Variants in ZSWIM5 observed in about 807,000 individuals in gnomAD.
ZSWIM5 encodes the protein zinc finger SWIM-type containing 5, also known as zinc finger SWIM domain-containing protein 5.
ZSWIM5 carries 55 observed loss-of-function variants against 119.6 expected under a neutral mutation model. That is an observed-to-expected ratio of 0.46 (90% confidence interval 0.37 to 0.58). The LOEUF (loss-of-function observed/expected upper bound fraction) is 0.58. Among genes scored for constraint, ZSWIM5 ranks in the 20% least tolerant of loss-of-function variants. ZSWIM5 has a pLI of 0.00. For synonymous variants in ZSWIM5, 537 were observed against 606.9 expected (o/e 0.88, Z 1.69); for missense variants, 1,193 against 1,512.8 (o/e 0.79, Z 3.51).
At chr1:45,183,521 AAG>A (rs1355678600) in intron 1 of ZSWIM5, among the ~76,000 whole-genome samples, 1 of 152,334 alleles carries the variant, frequency 6.6e-6, no homozygotes, top group Middle Eastern at 3.4e-3. Context: ...TAAAGAAAAA[AAG>A]AGAGAAGAAT....
At chr1:45,112,437 G>T (rs553944011) in intron 1 of ZSWIM5, among the ~76,000 whole-genome samples, 1 of 152,286 alleles carries the variant, frequency 6.6e-6, no homozygotes, top group East Asian at 1.9e-4. Context: ...ATTGTAGTGA[G>T]AAATCAATGA....
At chr1:45,092,958 A>G (rs1645377323) in intron 1 of ZSWIM5, among the ~76,000 whole-genome samples, 2 of 152,256 alleles carry the variant, frequency 1.3e-5, no homozygotes, top group East Asian at 1.9e-4. Flanking sequence ...CTATCTATCT[A>G]TCTATCATCT....
chr1:45,074,772 C>T (rs921978454), intron 2 of ZSWIM5, among the ~76,000 whole-genome samples: 11 of 151,386 alleles, frequency 7.3e-5, no homozygotes, highest in African/African-American at 2.7e-4. Flanking sequence ...GTTTGGTTTG[C>T]TCTTGCTTTT....
Position 45,073,249 on chromosome 1 carries a change from A to ATT in ZSWIM5, c.953-13004_953-13003dup, listed in dbSNP as rs58448888. On this transcript the variant is annotated intron_variant, in intron 2 of 13. Transcript: ENST00000359600. ...TGTTCGCATATACAATTGCTACTGA[A>ATT]TTTTTTTTTTTTTTTTTTTTTTTTT... Among the ~76,000 whole-genome samples the ATT allele has an allele frequency of 5.9e-4, 33 of 56,054 alleles. 1 individual carries two copies. Among genetic ancestry groups the ATT allele is most frequent in the African/African-American group, 2.4e-3 (30 of 12,522 alleles). The allele number at this position is 56,054 out of a possible 152,430, so 36.8% of individuals were successfully genotyped here.
intron 1 of ZSWIM5, among the ~76,000 whole-genome samples, chr1:45,200,572 GA>G (rs996002061): frequency 6.6e-6 from 1 of 151,712 alleles, no homozygotes; most frequent in East Asian, 1.9e-4. Context: ...TGGTGTGCAT[GA>G]AAAAAAACCC....
chr1:45,160,400 T>C (rs1645856029), intron 1 of ZSWIM5, among the ~76,000 whole-genome samples: 1 of 152,190 alleles, frequency 6.6e-6, no homozygotes, highest in Non-Finnish European at 1.5e-5. Context: ...GTTTATTTCT[T>C]CTATCATCAA....
chr1:45,182,911 A>G (rs1158812668), intron 1 of ZSWIM5, among the ~76,000 whole-genome samples: 9 of 151,614 alleles, frequency 5.9e-5, no homozygotes, highest in African/African-American at 2.2e-4. Context: ...ATAGACATCT[A>G]CAGAACTCTC....
intron 2 of ZSWIM5, among the ~76,000 whole-genome samples, chr1:45,078,715 C>A (rs979737076): frequency 3.3e-5 from 5 of 152,228 alleles, no homozygotes; most frequent in Admixed American, 6.5e-5. Context: ...AGGCTCCAAT[C>A]AGCAGGTGGC....
At position 45,206,226 on chromosome 1, in the gene ZSWIM5, C is replaced by A. The variant is rs1204509465; in HGVS notation, c.125G>T (p.Gly42Val). The A allele has an allele frequency of 6.3e-7, 1 of 1,584,732 alleles. No homozygotes were observed. The highest frequency in any genetic ancestry group is 1.1e-5 in the South Asian group (1 of 87,400). The change falls in exon 1 of 14, where the codon GGA becomes GTA. Residue 42 changes from glycine (G) to valine (V), a missense_variant. Physicochemically the swap from Gly to Val is moderately radical, Grantham distance 109. Around this residue, in one of 2 missense-constraint regions of ZSWIM5, gnomAD observed 232 missense variants for 222.9 expected, o/e 1.04. Coordinates refer to ENST00000359600, the MANE Select transcript of ZSWIM5 (RefSeq NM_020883.2). The part of the protein sequence containing the change: ...HPRGSPGAAG[G>V]GAGGVGSSCL... ...GCTGCTGCCGACGCCCCCTGCCCCTCCGCCGGCTGCCCCAGGCGAACCGCG... is the reference window on the plus strand; with the variant it reads ...GCTGCTGCCGACGCCCCCTGCCCCTACGCCGGCTGCCCCAGGCGAACCGCG...
intron 1 of ZSWIM5, among the ~76,000 whole-genome samples, chr1:45,204,339 T>C (rs1341428277): frequency 6.6e-6 from 1 of 152,202 alleles, no homozygotes; most frequent in Non-Finnish European, 1.5e-5. Context: ...TTTTCATGTT[T>C]TCAGTGTTTC....
chr1:45,085,065 T>A (rs1450646798), intron 2 of ZSWIM5, among the ~76,000 whole-genome samples: 1 of 152,194 alleles, frequency 6.6e-6, no homozygotes, highest in Non-Finnish European at 1.5e-5. Flanking sequence ...TTTCCATACA[T>A]CCTCTGAAAT....
Position 45,017,048 on chromosome 1 carries a change from T to C in ZSWIM5, c.*1406A>G, listed in dbSNP as rs920049373. On this transcript the variant is annotated 3_prime_UTR_variant, in exon 14 of 14. Transcript: ENST00000359600. ...CAAGTATGAGGCGAGAAGAGAACTA[T>C]GGAGCTAAAGCAGCCAATCTGATGG... 2 of 152,208 alleles carry C rather than the reference T, an allele frequency of 1.3e-5. No homozygotes were observed. The highest frequency in any genetic ancestry group is 4.8e-5 in the African/African-American group (2 of 41,426). The allele number at this position is 152,208 out of a possible 1,614,324, so 9.4% of individuals were successfully genotyped here.
chr1:45,092,484 A>G (rs1645372645), intron 1 of ZSWIM5, among the ~76,000 whole-genome samples: 1 of 142,924 alleles, frequency 7.0e-6, no homozygotes, highest in South Asian at 2.2e-4. Context: ...TTTAGTAGAG[A>G]CAGGGTTTCA....
At chr1:45,020,004 G>A in intron 13 of ZSWIM5, 62 bp downstream of exon 13, 1 of 1,400,526 alleles carries the variant, frequency 7.1e-7, no homozygotes, top group South Asian at 1.2e-5. Context: ...TGATTGTCCT[G>A]TCCCAAGAGT....
chr1:45,125,569 T>C (rs573359281), intron 1 of ZSWIM5, among the ~76,000 whole-genome samples: 1 of 149,388 alleles, frequency 6.7e-6, no homozygotes, highest in Non-Finnish European at 1.5e-5. Context: ...AGGTCAGGAG[T>C]TTGAGACCAC....
chr1:45,110,505 G>A (rs1645510002), intron 1 of ZSWIM5, among the ~76,000 whole-genome samples: 1 of 152,166 alleles, frequency 6.6e-6, no homozygotes, highest in Admixed American at 6.5e-5. Context: ...GCAGAGTCCT[G>A]GAGGGTGAAT....
chr1:45,062,506 T>C (rs929139704), intron 2 of ZSWIM5, among the ~76,000 whole-genome samples: 98 of 152,342 alleles, frequency 6.4e-4, no homozygotes, highest in African/African-American at 2.3e-3. Context: ...ACATAGTTTT[T>C]TGTTGTTTGT....
At chr1:45,135,113 C>T (rs150934070) in intron 1 of ZSWIM5, among the ~76,000 whole-genome samples, 4 of 101,626 alleles carry the variant, frequency 3.9e-5, no homozygotes, top group African/African-American at 1.1e-4. Flanking sequence ...CTAGATCATA[C>T]GGTAATTCTG....
At chr1:45,063,718 C>T (rs1022099584) in intron 2 of ZSWIM5, among the ~76,000 whole-genome samples, 6 of 152,124 alleles carry the variant, frequency 3.9e-5, no homozygotes, top group African/African-American at 1.2e-4. Context: ...CATAGGAAGG[C>T]GCAGTGGCTC....
Sources: gnomAD v4.1 joint callset for allele counts (sites outside exome capture counted in the v4.1 genomes callset) on GRCh38, gnomAD v4.1.1 for gene constraint, gnomAD v4.1.1 regional missense constraint, MANE v1.5 for transcripts, NCBI Gene and HGNC (gene_info 2026-07-23, HGNC 2026-07-21) for gene names.